Variants in TOX observed in about 807,000 individuals in gnomAD.
TOX encodes the protein thymocyte selection associated high mobility group box, also known as thymocyte selection-associated high mobility group box protein TOX.
TOX carries 11 observed loss-of-function variants against 53.7 expected under a neutral mutation model. That is an observed-to-expected ratio of 0.20 (90% CI 0.13 to 0.34). TOX has a LOEUF of 0.34. TOX is among the 10% of genes least tolerant of loss of function. TOX has a pLI of 1.00. For synonymous variants in TOX, 225 were observed against 245.3 expected (o/e 0.92, Z 0.77); for missense variants, 570 against 664.6 (o/e 0.86, Z 1.56).
At chr8:59,057,618 C>T (rs1157337607) in intron 1 of TOX, among the ~76,000 whole-genome samples, 1 of 152,100 alleles carries the variant, frequency 6.6e-6, no homozygotes, top group East Asian at 1.9e-4. Context: ...CTCTCCGCCC[C>T]CCGCCTTTCA....
intron 3 of TOX, among the ~76,000 whole-genome samples, chr8:58,878,008 C>A (rs1476801348): frequency 6.6e-6 from 1 of 152,048 alleles, no homozygotes; most frequent in Non-Finnish European, 1.5e-5. Context: ...CACTGATATG[C>A]CAGGTATGGA....
chr8:58,851,183 TCTCA>T lies in TOX; in HGVS notation c.693+337_693+340del, dbSNP rs1279852169. Among the ~76,000 whole-genome samples the T allele has an allele frequency of 8.3e-4, 119 of 142,716 alleles. No homozygotes were observed. Among genetic ancestry groups the T allele is most frequent in the African/African-American group, 2.8e-3 (99 of 35,310 alleles). The allele number at this position is 142,716 out of a possible 152,430, so 93.6% of individuals were successfully genotyped here. ...GTCTCTCTCTCTCTCTCTCTCTCTC[TCTCA>T]CACACACACACACACACACACACAC... On this transcript the variant is annotated intron_variant, in intron 4 of 8. Transcript: ENST00000361421. The surrounding 1 kb of genome is among the most constrained non-coding windows in gnomAD (Gnocchi z 4.4).
intron 1 of TOX, among the ~76,000 whole-genome samples, chr8:59,001,969 CTTTTTTT>C (rs1182278313): frequency 2.6e-5 from 3 of 114,634 alleles, no homozygotes; most frequent in East Asian, 2.6e-4. Context: ...TACAGAAGTA[CTTTTTTT>C]TTTTTTTTTT....
At chr8:58,971,329 G>T (rs1159709533) in intron 1 of TOX, among the ~76,000 whole-genome samples, 1 of 152,214 alleles carries the variant, frequency 6.6e-6, no homozygotes, top group Admixed American at 6.5e-5. Flanking sequence ...AGGTAAGGCA[G>T]AATAGGACAA....
intron 3 of TOX, among the ~76,000 whole-genome samples, chr8:58,878,575 G>A (rs368961134): frequency 5.3e-5 from 8 of 152,246 alleles, no homozygotes; most frequent in Admixed American, 6.5e-5. Context: ...CTTGAGCAAC[G>A]TATTGTTGGT....
chr8:58,941,338 A>G (rs1812436350), intron 2 of TOX, among the ~76,000 whole-genome samples: 2 of 152,196 alleles, frequency 1.3e-5, no homozygotes, highest in Admixed American at 1.3e-4. Context: ...TAACCATTAT[A>G]GTAATCCATT....
rs566371841 is a variant in TOX at position 58,835,178 on chromosome 8, C to T, written c.924+2903G>A. Among the ~76,000 whole-genome samples the T allele has an allele frequency of 1.4e-4, 21 of 152,124 alleles. No homozygotes were observed. In the South Asian group the frequency reaches 2.5e-3, roughly 18 times the overall value. ...TATCCTTTATAAAATGAATTTGCTC[C>T]CCCAAACCCTATTTTCATTGAGAGA... is the stretch of plus-strand genomic sequence containing the variant. On this transcript the variant is annotated intron_variant, in intron 5 of 8. Transcript: ENST00000361421.
chr8:58,993,037 G>A (rs1813485684), intron 1 of TOX: 1 of 152,140 alleles, frequency 6.6e-6, no homozygotes, highest in Non-Finnish European at 1.5e-5. Context: ...CTCAGGGAAG[G>A]CCCAATATCT....
At chr8:58,930,078 C>T (rs1812234544) in intron 3 of TOX, among the ~76,000 whole-genome samples, 1 of 152,106 alleles carries the variant, frequency 6.6e-6, no homozygotes, top group African/African-American at 2.4e-5. Context: ...GTTTAGGGCT[C>T]AAATTCATTT....
rs78774829 is a variant in TOX at position 58,881,079 on chromosome 8, C to T, written c.412-29274G>A. The stretch of plus-strand genomic sequence containing the variant: ...TGTGTGGGAGGAGGTGGGGGGTGAG[C>T]GGGATTGAGCTATAAAGATTCAGAA... On this transcript the variant is annotated intron_variant, in intron 3 of 8. Transcript: ENST00000361421. Among the ~76,000 whole-genome samples the T allele has an allele frequency of 2.9e-3, 437 of 151,864 alleles. 4 individuals are homozygous for T. Among genetic ancestry groups the T allele is most frequent in the Non-Finnish European group, 4.2e-3 (284 of 67,934 alleles).
At chr8:58,883,933 G>T (rs891186039) in intron 3 of TOX, among the ~76,000 whole-genome samples, 5 of 152,124 alleles carry the variant, frequency 3.3e-5, no homozygotes, top group South Asian at 2.1e-4. Context: ...GAGTGCAAAG[G>T]TTGTGGTTTA....
chr8:59,108,636 A>T (rs997519985), intron 1 of TOX, among the ~76,000 whole-genome samples: 4 of 149,380 alleles, frequency 2.7e-5, no homozygotes, highest in Non-Finnish European at 4.4e-5. Flanking sequence ...AACACTGAAG[A>T]TTCCTAAATC....
chr8:58,941,924 A>G (rs1165897171), intron 2 of TOX, among the ~76,000 whole-genome samples: 4 of 151,902 alleles, frequency 2.6e-5, no homozygotes, highest in Non-Finnish European at 5.9e-5. Flanking sequence ...GTGGTGGCGC[A>G]TGCCTGTAGT....
intron 1 of TOX, among the ~76,000 whole-genome samples, chr8:59,027,337 C>T (rs1814263091): frequency 6.6e-6 from 1 of 152,072 alleles, no homozygotes; most frequent in South Asian, 2.1e-4. Flanking sequence ...CCTCCAATTA[C>T]ACTTCAGATT....
At chr8:58,840,045 A>G (rs897190545) in intron 4 of TOX, among the ~76,000 whole-genome samples, 2 of 152,236 alleles carry the variant, frequency 1.3e-5, no homozygotes, top group African/African-American at 4.8e-5. Context: ...TCAAATATCA[A>G]TTATGACAAG....
intron 1 of TOX, among the ~76,000 whole-genome samples, chr8:58,972,519 G>A (rs532480247): frequency 8.0e-4 from 122 of 152,266 alleles, no homozygotes; most frequent in Non-Finnish European, 1.5e-3. Context: ...TACGACATAG[G>A]ATGATATGTC....
At chr8:58,921,024 C>T (rs906607552) in intron 3 of TOX, among the ~76,000 whole-genome samples, 4 of 151,974 alleles carry the variant, frequency 2.6e-5, no homozygotes, top group African/African-American at 9.7e-5. Context: ...ATTAAGTGTC[C>T]AGTCATTTTT....
chr8:58,985,068 C>T (rs916626719), intron 1 of TOX, among the ~76,000 whole-genome samples: 2 of 149,224 alleles, frequency 1.3e-5, no homozygotes, highest in African/African-American at 4.9e-5. Flanking sequence ...AGATATATAT[C>T]TTCTATCTAT....
intron 1 of TOX, among the ~76,000 whole-genome samples, chr8:58,966,560 C>T (rs1812904565): frequency 2.0e-5 from 3 of 152,084 alleles, no homozygotes; most frequent in African/African-American, 7.2e-5. Context: ...AAAGATAGTG[C>T]TAGACCCACA....
Sources: allele counts gnomAD v4.1 joint callset (sites outside exome capture counted in the v4.1 genomes callset), GRCh38; gene constraint gnomAD v4.1.1; non-coding constraint Gnocchi (gnomAD v3.1); transcripts MANE v1.5; gene names NCBI Gene and HGNC (gene_info 2026-07-23, HGNC 2026-07-21).